The following ARHGEF11 variants were observed in gnomAD, a reference collection of about 807,000 sequenced individuals.
ARHGEF11 encodes Rho guanine nucleotide exchange factor 11, also known as Rho guanine exchange factor (GEF) 11.
A neutral mutation model predicts 193.7 loss-of-function variants in ARHGEF11; 55 were observed. That is an observed-to-expected ratio of 0.28 (90% CI 0.23 to 0.36). The LOEUF is 0.36. Among genes scored for constraint, ARHGEF11 ranks in the 10% least tolerant of loss-of-function variants. The pLI, the probability that ARHGEF11 is intolerant of heterozygous loss-of-function variation, is 1.00. For missense variants in ARHGEF11, 1,723 were observed against 2,005.6 expected (o/e 0.86, Z 2.69); for synonymous variants, 693 against 768.0 (o/e 0.90, Z 1.62).
chr1:156,986,066 T>G lies in ARHGEF11; in HGVS notation c.124+16A>C. ...ATGCCTGGCTGTTTTTGTATGTTAA[T>G]GCCCAAGGAGGTTACCTGTTGTCTC... On this transcript the variant is annotated intron_variant, in intron 2 of 40. Transcript: ENST00000368194. 1.9e-6 allele frequency: 3 copies of G among 1,608,024 alleles called. No homozygotes were observed. Among genetic ancestry groups the G allele is most frequent in the Non-Finnish European group, 1.7e-6 (2 of 1,174,816 alleles).
intron 10 of ARHGEF11, 67 bp downstream of exon 10, chr1:156,969,215 G>T: frequency 7.4e-7 from 1 of 1,357,846 alleles, no homozygotes; most frequent in South Asian, 1.2e-5. Flanking sequence ...GTAGGCAGCA[G>T]AACTTGGGTC....
chr1:157,004,171 T>G (rs1667542365), intron 1 of ARHGEF11, among the ~76,000 whole-genome samples: 1 of 152,240 alleles, frequency 6.6e-6, no homozygotes, highest in Non-Finnish European at 1.5e-5. Flanking sequence ...TACCAGGTCC[T>G]GCTATCTGCC....
chr1:157,011,986 C>A (rs986413523), intron 1 of ARHGEF11, among the ~76,000 whole-genome samples: 22 of 152,054 alleles, frequency 1.4e-4, no homozygotes, highest in East Asian at 1.9e-4. Flanking sequence ...TAGGTATATA[C>A]CCAAGAGAAG....
At chr1:157,029,370 A>T (rs1017295751) in intron 1 of ARHGEF11, among the ~76,000 whole-genome samples, 1 of 151,998 alleles carries the variant, frequency 6.6e-6, no homozygotes, top group Non-Finnish European at 1.5e-5. Flanking sequence ...CCTGAGTTCA[A>T]GCAATTCTCC....
intron 1 of ARHGEF11, among the ~76,000 whole-genome samples, chr1:157,000,850 TG>T (rs1667124244): frequency 6.6e-6 from 1 of 152,042 alleles, no homozygotes; most frequent in Non-Finnish European, 1.5e-5. Flanking sequence ...CCAGCTGTAA[TG>T]GGGGGCAGAA....
chr1:156,969,602 C>T (rs1365859708), intron 9 of ARHGEF11, among the ~76,000 whole-genome samples: 2 of 152,190 alleles, frequency 1.3e-5, no homozygotes, highest in African/African-American at 4.8e-5. Context: ...CATGTCACCT[C>T]CTGAAATAAG....
intron 1 of ARHGEF11, among the ~76,000 whole-genome samples, chr1:157,036,034 T>A (rs1571607280): frequency 1.0e-5 from 1 of 96,452 alleles, no homozygotes; most frequent in African/African-American, 3.8e-5. Flanking sequence ...TATATAGGAA[T>A]ATATATATGA....
At chr1:157,046,795 G>A (rs1032230266), upstream of ARHGEF11, among the ~76,000 whole-genome samples, 2 of 152,146 alleles carry the variant, frequency 1.3e-5, no homozygotes, top group Non-Finnish European at 2.9e-5. Flanking sequence ...CGGGGCCTGA[G>A]GTCAGGAGTT....
At chr1:157,036,614 G>A (rs1214523169) in intron 1 of ARHGEF11, among the ~76,000 whole-genome samples, 2 of 151,912 alleles carry the variant, frequency 1.3e-5, no homozygotes, top group African/African-American at 4.8e-5. Context: ...GAGCCACCAC[G>A]CCCAGCCTCC....
chr1:156,994,394 T>TG (rs1261007691), intron 1 of ARHGEF11, among the ~76,000 whole-genome samples: 1 of 122,176 alleles, frequency 8.2e-6, no homozygotes, highest in Non-Finnish European at 1.8e-5. Context: ...TATTGTGTGT[T>TG]TTTTTTTTTT....
intron 1 of ARHGEF11, among the ~76,000 whole-genome samples, chr1:156,991,602 G>A (rs1665710873): frequency 2.0e-5 from 3 of 151,976 alleles, no homozygotes; most frequent in Admixed American, 1.3e-4. Context: ...TTACAGGCGT[G>A]AGCCACTGTC....
Position 156,941,893 on chromosome 1 carries a change from C to T in ARHGEF11, c.3423G>A (p.Glu1141=), listed in dbSNP as rs777279467. ...PVHPPPPGPR[E]PAQQGPTPSR... The stretch of plus-strand genomic sequence containing the variant: ...TGGGTGTGGGGCCCTGCTGGGCTGG[C>T]TCCCGGGGACCTGGGGGTGGAGGAT... The change falls in exon 34 of 41, where the codon GAG becomes GAA. Residue 1141 remains glutamate (E), a synonymous_variant. Coordinates refer to ENST00000368194, the MANE Select transcript of ARHGEF11 (RefSeq NM_198236.3). 6.2e-7 allele frequency: 1 copy of T among 1,612,784 alleles called. No individual in the cohort carries two copies. Among genetic ancestry groups the T allele is most frequent in the African/African-American group, 1.3e-5 (1 of 74,912 alleles).
intron 32 of ARHGEF11, among the ~76,000 whole-genome samples, chr1:156,943,515 TC>T (rs1367361927): frequency 6.6e-6 from 1 of 152,228 alleles, no homozygotes; most frequent in Non-Finnish European, 1.5e-5. Context: ...CATTGAAATG[TC>T]CCTGTCCACT....
Position 156,937,381 on chromosome 1 carries a change from A to C in ARHGEF11, c.4308T>G (p.Pro1436=), listed in dbSNP as rs771239679. Reference sequence around the variant, plus strand: ...CGTTGCCTCCCTGCAGCTGAGGCTGAGGCTCTGTCTGCCCTGCAGGGAGGC... The same window carrying C: ...CGTTGCCTCCCTGCAGCTGAGGCTGCGGCTCTGTCTGCCCTGCAGGGAGGC... ...PDSLPAGQTE[P]QPQLQGGNDD... The change falls in exon 39 of 41, where the codon CCT becomes CCG. Residue 1436 remains proline, a synonymous_variant. Coordinates refer to ENST00000368194, the MANE Select transcript of ARHGEF11 (RefSeq NM_198236.3). 6.2e-7 allele frequency: 1 copy of C among 1,608,268 alleles called. No homozygotes were observed. The highest frequency in any genetic ancestry group is 8.5e-7 in the Non-Finnish European group (1 of 1,177,218).
intron 34 of ARHGEF11, 23 bp from the exon 35 acceptor site, chr1:156,941,456 G>T: frequency 6.2e-7 from 1 of 1,612,238 alleles, no homozygotes; most frequent in South Asian, 1.1e-5. Context: ...ACCAACACAG[G>T]ATGAGATCCC....
intron 21 of ARHGEF11, among the ~76,000 whole-genome samples, chr1:156,952,302 G>C (rs1014832829): frequency 1.3e-5 from 2 of 152,116 alleles, no homozygotes; most frequent in African/African-American, 2.4e-5. Context: ...TCAAAGCTAA[G>C]ACAGAAGAGA....
At chr1:157,045,884 C>G (rs904034573), upstream of ARHGEF11, among the ~76,000 whole-genome samples, 2 of 151,006 alleles carry the variant, frequency 1.3e-5, no homozygotes, top group African/African-American at 4.8e-5. Flanking sequence ...TCCCGCGGGG[C>G]GGGGCCGCAG....
At chr1:156,938,356 G>A (rs1185435463) in intron 38 of ARHGEF11, 62 bp downstream of exon 38, 7 of 1,508,794 alleles carry the variant, frequency 4.6e-6, no homozygotes, top group Admixed American at 1.7e-5. Flanking sequence ...GTCCGACTCT[G>A]CCCTCACAGG....
At position 157,023,308 on chromosome 1, in the gene ARHGEF11, T is replaced by C. The variant is rs184663776; in HGVS notation, c.32+20991A>G. On this transcript the variant is annotated intron_variant, in intron 1 of 40. Transcript: ENST00000368194. The stretch of plus-strand genomic sequence containing the variant: ...ACTCAACAATAAAGGGACGAATAAC[T>C]TAAATAAAAAATGGGCAAAGGACGT... Among the ~76,000 whole-genome samples the C allele has an allele frequency of 8.5e-4, 129 of 152,158 alleles. 1 individual carries two copies. Among genetic ancestry groups the C allele is most frequent in the Admixed American group, 2.5e-3 (38 of 15,282 alleles).
Sources: gnomAD v4.1 joint callset for allele counts (sites outside exome capture counted in the v4.1 genomes callset) on GRCh38, gnomAD v4.1.1 for gene constraint, MANE v1.5 for transcripts, NCBI Gene and HGNC (gene_info 2026-07-23, HGNC 2026-07-21) for gene names.